The following IPO5 variants were observed in gnomAD, a reference collection of about 807,000 sequenced individuals.
The protein encoded by IPO5 is importin 5.
IPO5 carries 18 observed loss-of-function variants against 143.3 expected under a neutral mutation model. That is an observed-to-expected ratio of 0.13 (90% CI 0.09 to 0.19). The LOEUF is 0.19. IPO5 is among the 10% of genes least tolerant of loss of function. IPO5 has a pLI of 1.00. For missense variants in IPO5, 1,013 were observed against 1,336.9 expected (o/e 0.76, Z 3.78); for synonymous variants, 477 against 465.7 (o/e 1.02, Z -0.31).
intron 4 of IPO5, chr13:97,981,311 A>G: frequency 2.2e-6 from 1 of 452,890 alleles, no homozygotes; most frequent in Non-Finnish European, 4.4e-6. Flanking sequence ...TAATGAAGTG[A>G]AACAGAGCTT....
intron 2 of IPO5, among the ~76,000 whole-genome samples, chr13:97,957,934 G>A (rs1030867303): frequency 1.3e-4 from 19 of 151,942 alleles, no homozygotes; most frequent in Admixed American, 7.9e-4. Context: ...GCAGTGAGCC[G>A]AGATCGCACC....
chr13:97,962,404 G>A (rs1235708484), intron 2 of IPO5, among the ~76,000 whole-genome samples: 1 of 152,182 alleles, frequency 6.6e-6, no homozygotes, highest in African/African-American at 2.4e-5. Flanking sequence ...ATGACGTGAA[G>A]TATGGGTCCA....
intron 5 of IPO5, among the ~76,000 whole-genome samples, chr13:97,983,954 T>A: frequency 7.1e-6 from 1 of 141,818 alleles, no homozygotes; most frequent in African/African-American, 2.6e-5. Flanking sequence ...GAACCCTATA[T>A]AGGGTAACTT....
chr13:98,012,795 GA>G (rs1034721693), intron 21 of IPO5, among the ~76,000 whole-genome samples: 27 of 130,992 alleles, frequency 2.1e-4, no homozygotes, highest in Non-Finnish European at 3.1e-4. Flanking sequence ...AGCCCAGCTA[GA>G]TTTGATTTTT....
At chr13:97,997,231 A>G (rs958078467) in intron 11 of IPO5, among the ~76,000 whole-genome samples, 7 of 152,214 alleles carry the variant, frequency 4.6e-5, no homozygotes, top group Admixed American at 1.3e-4. Flanking sequence ...TGAAAAAACA[A>G]TTGCGGAATG....
intron 2 of IPO5, among the ~76,000 whole-genome samples, chr13:97,962,903 G>A (rs1885007259): frequency 6.6e-6 from 1 of 152,154 alleles, no homozygotes; most frequent in Non-Finnish European, 1.5e-5. Flanking sequence ...ATCCTGCAGG[G>A]CAGGCTAGCA....
Position 97,954,213 on chromosome 13 carries a change from A to G in IPO5, c.-113+15A>G, listed in dbSNP as rs1463120421. 1 of 158,892 alleles carries G rather than the reference A, an allele frequency of 6.3e-6. No individual in the cohort carries two copies. The highest frequency in any genetic ancestry group is 1.4e-5 in the Non-Finnish European group (1 of 71,970). 9.8% of individuals were successfully genotyped at this position (158,892 alleles called of 1,614,324 possible). A position where few individuals can be genotyped will look rare whatever the true frequency, so the allele number is the denominator to read the frequency against. On this transcript the variant is annotated intron_variant, in intron 2 of 28. Transcript: ENST00000651721. ...GCGGCACTCAAGTGAGTCTAGAATT[A>G]TCAGATTTTGTTCTGTCTCTCTTCA... is the stretch of plus-strand genomic sequence containing the variant.
intron 18 of IPO5, among the ~76,000 whole-genome samples, chr13:98,009,563 G>A (rs1401492159): frequency 6.6e-6 from 1 of 152,130 alleles, no homozygotes; most frequent in African/African-American, 2.4e-5. Context: ...TTTTGTTTAG[G>A]TGATTAGTTT....
At chr13:97,970,589 C>T (rs564647062) in intron 3 of IPO5, among the ~76,000 whole-genome samples, 203 of 152,232 alleles carry the variant, frequency 1.3e-3, no homozygotes, top group Non-Finnish European at 2.1e-3. Flanking sequence ...CCACTGCACT[C>T]CAGCCTGGGC....
intron 20 of IPO5, among the ~76,000 whole-genome samples, chr13:98,011,584 G>A (rs1325589142): frequency 6.6e-6 from 1 of 151,168 alleles, no homozygotes; most frequent in Non-Finnish European, 1.5e-5. Context: ...CCGGCTCACT[G>A]CCACCTCCAC....
intron 11 of IPO5, among the ~76,000 whole-genome samples, chr13:97,995,270 C>T (rs1045177263): frequency 4.0e-5 from 6 of 149,968 alleles, no homozygotes; most frequent in East Asian, 3.9e-4. Flanking sequence ...GCACCCATTA[C>T]GGGAGCAGTG....
At chr13:97,977,901 C>T (rs1218251000) in intron 4 of IPO5, among the ~76,000 whole-genome samples, 1 of 152,148 alleles carries the variant, frequency 6.6e-6, no homozygotes, top group Non-Finnish European at 1.5e-5. Flanking sequence ...ATTAATTTTA[C>T]ATATAGCCAA....
In IPO5 at chr13:98,023,824, A is replaced by G. The variant is rs906703908; in HGVS notation, c.*2002A>G. ...CAAGTTAATAGGGAAGGTTGGTAGT[A>G]AATGCTGTTAGTGTGACATGATTCT... On this transcript the variant is annotated 3_prime_UTR_variant, in exon 29 of 29. Coordinates refer to ENST00000651721, the MANE Select transcript of IPO5 (RefSeq NM_002271.6). 2.6e-5 allele frequency: 4 copies of G among 152,220 alleles called. No individual in the cohort carries two copies. The highest frequency in any genetic ancestry group is 5.9e-5 in the Non-Finnish European group (4 of 68,050). 9.4% of individuals were successfully genotyped at this position (152,220 alleles called of 1,614,324 possible).
At chr13:98,004,725 G>A (rs1292881443) in intron 16 of IPO5, among the ~76,000 whole-genome samples, 2 of 152,076 alleles carry the variant, frequency 1.3e-5, no homozygotes, top group Non-Finnish European at 2.9e-5. Context: ...CAGAGGTTGA[G>A]GTACAGAAGC....
chr13:97,962,278 A>G (rs1033390625), intron 2 of IPO5, among the ~76,000 whole-genome samples: 3 of 152,204 alleles, frequency 2.0e-5, no homozygotes, highest in Non-Finnish European at 2.9e-5. Context: ...TTTTGATGTC[A>G]TAGCTAAAAA....
intron 2 of IPO5, among the ~76,000 whole-genome samples, 155 bp downstream of exon 2, chr13:97,954,353 C>T (rs1033293158): frequency 2.0e-5 from 3 of 152,292 alleles, no homozygotes; most frequent in Admixed American, 6.5e-5. Context: ...TAATTGAAAT[C>T]CAACCCATCA....
chr13:97,987,722 C>CA (rs1041924835), intron 6 of IPO5, among the ~76,000 whole-genome samples: 1 of 152,132 alleles, frequency 6.6e-6, no homozygotes, highest in African/African-American at 2.4e-5. Flanking sequence ...AGCCTGGTCT[C>CA]AAATGCCTGA....
chr13:98,002,984 T>G lies in IPO5; in HGVS notation c.1444T>G (p.Leu482Val). Residue 482 changes from leucine (L) to valine (V), a missense_variant, in exon 16 of 29, where the codon TTG (leucine) becomes GTG (valine). Around this residue, in one of 2 missense-constraint regions of IPO5, gnomAD observed 685 missense variants for 994.9 expected, o/e 0.69. Transcript: ENST00000651721. ...DCPKSLLIPY[L>V]DNLVKHLHSI... Reference sequence around the variant, plus strand: ...TCCCAAGTCACTACTTATTCCATACTTGGATAATTTGGTGAAACATCTGCA... The same window carrying G: ...TCCCAAGTCACTACTTATTCCATACGTGGATAATTTGGTGAAACATCTGCA... 6.2e-7 allele frequency: 1 copy of G among 1,613,996 alleles called. No individual in the cohort carries two copies. Among genetic ancestry groups the G allele is most frequent in the Non-Finnish European group, 8.5e-7 (1 of 1,179,892 alleles).
chr13:97,979,951 C>T (rs1309809837), intron 4 of IPO5: 17 of 456,570 alleles, frequency 3.7e-5, no homozygotes, highest in Non-Finnish European at 6.2e-5. Context: ...AAGGTAGGCT[C>T]ACTATAAATA....
Sources: gnomAD v4.1 joint callset for allele counts (sites outside exome capture counted in the v4.1 genomes callset) on GRCh38, gnomAD v4.1.1 for gene constraint, gnomAD v4.1.1 regional missense constraint, MANE v1.5 for transcripts, NCBI Gene and HGNC (gene_info 2026-07-23, HGNC 2026-07-21) for gene names.